The following DCHS2 variants were observed in gnomAD, a reference collection of about 807,000 sequenced individuals.
The protein encoded by DCHS2 is protocadherin-23.
In DCHS2, 142 loss-of-function variants were observed where a neutral mutation model predicts 182.4. The observed-to-expected ratio is 0.78, with a 90% CI of 0.68 to 0.89. DCHS2 has a LOEUF of 0.89. DCHS2 is among the 40% of genes least tolerant of loss of function. The pLI, the probability that DCHS2 is intolerant of heterozygous loss-of-function variation, is 0.00. For missense variants in DCHS2, 4,319 were observed against 4,198.6 expected, an observed-to-expected ratio of 1.03 and a Z score of -0.79; for synonymous variants, 1,740 against 1,663.3, an observed-to-expected ratio of 1.05 and a Z score of -1.12.
rs1224652233 is a variant in DCHS2 at position 154,231,848 on chromosome 4, A to G, written c.*2688T>C. The G allele has an allele frequency of 6.6e-6, 1 of 152,114 alleles. No homozygotes were observed. The highest frequency in any genetic ancestry group is 1.9e-4 in the East Asian group (1 of 5,200). 9.4% of individuals were successfully genotyped at this position (152,114 alleles called of 1,614,324 possible). ...GTAGAGTGCATTTTAATAATTTTTA[A>G]AAGAGTTAAATGATCAAATCCCTAA... On this transcript the variant is annotated 3_prime_UTR_variant, in exon 20 of 20. Transcript: ENST00000357232.
At chr4:154,376,533 A>G (rs1269503117) in intron 2 of DCHS2, among the ~76,000 whole-genome samples, 1 of 152,222 alleles carries the variant, frequency 6.6e-6, no homozygotes, top group Non-Finnish European at 1.5e-5. Context: ...AAGAGTAATC[A>G]AATAGTTGTT....
At chr4:154,285,860 G>T (rs987719873) in intron 13 of DCHS2, among the ~76,000 whole-genome samples, 15 of 151,814 alleles carry the variant, frequency 9.9e-5, no homozygotes, top group Non-Finnish European at 2.1e-4. Context: ...TAGAGCCCTG[G>T]GGCCTTGAGT....
chr4:154,417,958 G>A (rs1457986699), intron 1 of DCHS2, among the ~76,000 whole-genome samples: 2 of 152,028 alleles, frequency 1.3e-5, no homozygotes, highest in African/African-American at 4.8e-5. Context: ...TTATTTGCCA[G>A]CAAACACCAG....
intron 13 of DCHS2, among the ~76,000 whole-genome samples, chr4:154,283,173 A>G (rs1734231596): frequency 6.6e-6 from 1 of 152,182 alleles, no homozygotes; most frequent in South Asian, 2.1e-4. Flanking sequence ...ATGTGTTTTT[A>G]ACACAATAAA....
intron 14 of DCHS2, among the ~76,000 whole-genome samples, chr4:154,267,325 G>A (rs542947329): frequency 6.6e-6 from 1 of 152,274 alleles, no homozygotes; most frequent in African/African-American, 2.4e-5. Flanking sequence ...GGTTTTATTT[G>A]GAGGTAAAAA....
At chr4:154,244,006 A>T (rs1731958247) in intron 16 of DCHS2, among the ~76,000 whole-genome samples, 1 of 152,204 alleles carries the variant, frequency 6.6e-6, no homozygotes, top group South Asian at 2.1e-4. Flanking sequence ...TTGCTTTTAC[A>T]TGGAATCTCA....
At chr4:154,343,372 G>T in intron 3 of DCHS2, 1 of 1,196,714 alleles carries the variant, frequency 8.4e-7, no homozygotes, top group South Asian at 3.3e-5. Flanking sequence ...GCCAGGCATT[G>T]ACTTCTCCTC....
In DCHS2 at chr4:154,234,210, A is replaced by G. The variant is rs1248541402; in HGVS notation, c.*326T>C. The G allele has an allele frequency of 1.8e-5, 4 of 222,424 alleles. No homozygotes were observed. The highest frequency in any genetic ancestry group is 3.5e-5 in the Non-Finnish European group (4 of 113,978). The allele number at this position is 222,424 out of a possible 1,614,324, so 13.8% of individuals were successfully genotyped here. The stretch of plus-strand genomic sequence containing the variant: ...CCAGAGTACACTATATTTTGTTTCC[A>G]TATAAACATTCTGGCAGTCAGTTAA... On this transcript the variant is annotated 3_prime_UTR_variant, in exon 20 of 20. Transcript: ENST00000357232.
intron 1 of DCHS2, among the ~76,000 whole-genome samples, chr4:154,398,478 C>T (rs569030530): frequency 2.0e-5 from 3 of 152,280 alleles, no homozygotes; most frequent in African/African-American, 7.2e-5. Flanking sequence ...CAGCCCCAGC[C>T]CTTTGACTGT....
At position 154,239,150 on chromosome 4, in the gene DCHS2, T is replaced by C. The variant is rs375199603; in HGVS notation, c.7492+20A>G. The C allele has an allele frequency of 3.1e-5, 49 of 1,605,358 alleles. No individual in the cohort carries two copies. The highest frequency in any genetic ancestry group is 5.2e-5 in the Admixed American group (3 of 58,184). ...TGAAACCCAAACCTATGAGCATTAA[T>C]GCAATTATAAATAACTCACCATTCT... On this transcript the variant is annotated intron_variant, in intron 19 of 19. Transcript: ENST00000357232.
At chr4:154,240,075 C>A (rs908674306) in intron 18 of DCHS2, among the ~76,000 whole-genome samples, 1 of 152,054 alleles carries the variant, frequency 6.6e-6, no homozygotes, top group Non-Finnish European at 1.5e-5. Context: ...GCTATCCTTG[C>A]CCTTACTTCT....
At chr4:154,461,984 A>G (rs1348639419) in intron 1 of DCHS2, among the ~76,000 whole-genome samples, 1 of 152,162 alleles carries the variant, frequency 6.6e-6, no homozygotes, top group Non-Finnish European at 1.5e-5. Flanking sequence ...TATCAAAAGC[A>G]CAAGAGGGAG....
At chr4:154,337,498 C>G (rs1181997356) in intron 3 of DCHS2, among the ~76,000 whole-genome samples, 2 of 152,082 alleles carry the variant, frequency 1.3e-5, no homozygotes, top group African/African-American at 4.8e-5. Flanking sequence ...CAGGGTAAAG[C>G]TTAAATGCAT....
At chr4:154,481,070 T>C (rs1418214732) in intron 1 of DCHS2, among the ~76,000 whole-genome samples, 6 of 152,160 alleles carry the variant, frequency 3.9e-5, no homozygotes, top group Non-Finnish European at 7.4e-5. Context: ...TCCCTTTTTG[T>C]TGGTAAATTT....
intron 1 of DCHS2, among the ~76,000 whole-genome samples, chr4:154,446,542 T>C (rs1734292224): frequency 6.6e-6 from 1 of 152,174 alleles, no homozygotes; most frequent in African/African-American, 2.4e-5. Flanking sequence ...GTGGGTCCTA[T>C]TATCATCTGC....
chr4:154,319,377 C>A (rs989447467), intron 9 of DCHS2, among the ~76,000 whole-genome samples: 1 of 151,318 alleles, frequency 6.6e-6, no homozygotes, highest in Admixed American at 6.6e-5. Context: ...TTCTGCACAG[C>A]AAAGAAAAAG....
At chr4:154,322,803 T>G in intron 7 of DCHS2, 1 of 261,206 alleles carries the variant, frequency 3.8e-6, no homozygotes, top group South Asian at 8.0e-5. Flanking sequence ...CTTCTCCCAT[T>G]TTTTTTGAAG....
chr4:154,262,775 TAAACAATGTCTTTG>T (rs1262283371), intron 14 of DCHS2, among the ~76,000 whole-genome samples: 8 of 152,242 alleles, frequency 5.3e-5, no homozygotes, highest in Admixed American at 2.6e-4. Context: ...GTCTCCTACT[TAAACAATGTCTTTG>T]AAACATTGAA....
rs1731317150 is a variant in DCHS2 at position 154,234,001 on chromosome 4, A to G, written c.*535T>C. The G allele has an allele frequency of 6.6e-6, 1 of 152,190 alleles. No homozygotes were observed. Among genetic ancestry groups the G allele is most frequent in the Non-Finnish European group, 1.5e-5 (1 of 68,050 alleles). The allele number at this position is 152,190 out of a possible 1,614,324, so 9.4% of individuals were successfully genotyped here. ...TGGCTAAACTCTACAGGTGTGGTATATGGGGAAAAATGGAGAAATACTCCT... is the reference window on the plus strand; with the variant it reads ...TGGCTAAACTCTACAGGTGTGGTATGTGGGGAAAAATGGAGAAATACTCCT... On this transcript the variant is annotated 3_prime_UTR_variant, in exon 20 of 20. Coordinates refer to ENST00000357232, the MANE Select transcript of DCHS2 (RefSeq NM_001358235.2).
Sources: allele counts gnomAD v4.1 joint callset (sites outside exome capture counted in the v4.1 genomes callset), GRCh38; gene constraint gnomAD v4.1.1; transcripts MANE v1.5; gene names NCBI Gene and HGNC (gene_info 2026-07-23, HGNC 2026-07-21).